Variants in PTPRN2 observed in about 807,000 individuals in gnomAD.
The protein encoded by PTPRN2 is receptor-type tyrosine-protein phosphatase N2.
In PTPRN2, 74 loss-of-function variants were observed where a neutral mutation model predicts 118.8. That is an observed-to-expected ratio of 0.62 (90% CI 0.52 to 0.76). PTPRN2 has a LOEUF of 0.76. Ranked by LOEUF, PTPRN2 falls within the 30% of genes least tolerant of loss-of-function variation. The pLI, the probability that PTPRN2 is intolerant of heterozygous loss-of-function variation, is 0.00. For synonymous variants in PTPRN2, 641 were observed against 608.0 expected (o/e 1.05, Z -0.80); for missense variants, 1,481 against 1,394.4 (o/e 1.06, Z -0.99).
chr7:157,586,204 T>A (rs1800662793), intron 17 of PTPRN2, among the ~76,000 whole-genome samples: 1 of 152,242 alleles, frequency 6.6e-6, no homozygotes, highest in Non-Finnish European at 1.5e-5. Flanking sequence ...ACTCTCATGT[T>A]AATTCCTAAG....
chr7:158,159,368 G>A (rs1822154570), intron 6 of PTPRN2, among the ~76,000 whole-genome samples: 2 of 152,260 alleles, frequency 1.3e-5, no homozygotes, highest in African/African-American at 4.8e-5. Context: ...GAGGCTGGCT[G>A]GGTGGAGACC....
chr7:158,155,156 T>TA (rs1821587213), intron 6 of PTPRN2, among the ~76,000 whole-genome samples: 1 of 152,216 alleles, frequency 6.6e-6, no homozygotes, highest in African/African-American at 2.4e-5. Context: ...ATTAAATGTG[T>TA]AAAGCCTGGA....
chr7:157,771,027 A>G (rs1198497164), intron 12 of PTPRN2, among the ~76,000 whole-genome samples: 1 of 152,246 alleles, frequency 6.6e-6, no homozygotes, highest in Non-Finnish European at 1.5e-5. Context: ...GACTCGAGAG[A>G]CTGGCAGCTC....
chr7:158,171,000 T>C (rs1050866835), intron 5 of PTPRN2, among the ~76,000 whole-genome samples: 15 of 148,342 alleles, frequency 1.0e-4, no homozygotes, highest in Non-Finnish European at 1.6e-4. Flanking sequence ...TACACATACA[T>C]ATATATATAC....
intron 2 of PTPRN2, among the ~76,000 whole-genome samples, chr7:158,469,735 CAAAAA>C (rs56040599): frequency 6.8e-4 from 46 of 67,518 alleles, no homozygotes; most frequent in African/African-American, 2.0e-3. Flanking sequence ...AAAACCTGGC[CAAAAA>C]AAAAAAAAAA....
At chr7:158,406,359 CACT>C (rs1813432985) in intron 2 of PTPRN2, among the ~76,000 whole-genome samples, 4 of 130,040 alleles carry the variant, frequency 3.1e-5, no homozygotes. Context: ...TTTGGCTGCA[CACT>C]GAGATCCCGC....
intron 11 of PTPRN2, among the ~76,000 whole-genome samples, chr7:157,925,920 A>C (rs1798958872): frequency 6.6e-6 from 1 of 152,174 alleles, no homozygotes; most frequent in Non-Finnish European, 1.5e-5. Context: ...TGTCGTTCTA[A>C]AACCCTTCTC....
At chr7:158,217,899 A>G (rs555346225) in intron 3 of PTPRN2, among the ~76,000 whole-genome samples, 1 of 152,342 alleles carries the variant, frequency 6.6e-6, no homozygotes, top group African/African-American at 2.4e-5. Flanking sequence ...TAAAGAAAAA[A>G]GAGTGTTAAA....
Position 158,555,750 on chromosome 7 carries a change from C to T in PTPRN2, c.112+31808G>A, listed in dbSNP as rs376581886. On this transcript the variant is annotated intron_variant, in intron 1 of 22. Coordinates refer to ENST00000389418, the MANE Select transcript of PTPRN2 (RefSeq NM_002847.5). The surrounding 1 kb of genome is among the most constrained non-coding windows in gnomAD (Gnocchi z 4.7). ...ACAGGTGGCCGGTGTTGCTTCCCAG[C>T]GGGTTCCACCCACTGCCTAGCAGGC... Among the ~76,000 whole-genome samples, 26 of 152,214 alleles carry T rather than the reference C, an allele frequency of 1.7e-4. No homozygotes were observed. The South Asian group carries it at 4.8e-3, about 28-fold the overall frequency.
chr7:157,612,237 G>C (rs1029816186), intron 15 of PTPRN2, among the ~76,000 whole-genome samples: 2 of 152,238 alleles, frequency 1.3e-5, no homozygotes, highest in African/African-American at 4.8e-5. Flanking sequence ...AGGCGTGGCT[G>C]TGTGCGCTGG....
intron 6 of PTPRN2, among the ~76,000 whole-genome samples, chr7:158,143,934 TC>T (rs926799550): frequency 2.0e-5 from 3 of 150,982 alleles, no homozygotes. Context: ...GTGGCCACCG[TC>T]CCCCCCGCAG....
In PTPRN2 at chr7:158,529,113, C is replaced by T. The variant is rs1291908985; in HGVS notation, c.113-39328G>A. ...CAAATGCCTCAATCCCCTTCTCAGA[C>T]AGGCAGACAGACAATAATAACAATG... On this transcript the variant is annotated intron_variant, in intron 1 of 22. Coordinates refer to ENST00000389418, the MANE Select transcript of PTPRN2 (RefSeq NM_002847.5). The surrounding 1 kb of genome is among the most constrained non-coding windows in gnomAD (Gnocchi z 4.7). 6.6e-6 allele frequency among the ~76,000 whole-genome samples: 1 copy of T among 152,180 alleles called. No individual in the cohort carries two copies. The highest frequency in any genetic ancestry group is 2.4e-5 in the African/African-American group (1 of 41,448).
chr7:157,981,488 C>T (rs982883849), intron 11 of PTPRN2, among the ~76,000 whole-genome samples: 1 of 152,200 alleles, frequency 6.6e-6, no homozygotes, highest in Non-Finnish European at 1.5e-5. Flanking sequence ...AATTTGACTC[C>T]AGTCATTGAT....
intron 9 of PTPRN2, among the ~76,000 whole-genome samples, chr7:158,127,413 G>A (rs1041103892): frequency 5.3e-5 from 8 of 151,986 alleles, no homozygotes; most frequent in Non-Finnish European, 1.0e-4. Context: ...CACACACTGC[G>A]GCTGCCACTC....
chr7:157,848,869 A>G (rs1002027640), intron 12 of PTPRN2, among the ~76,000 whole-genome samples: 4 of 152,240 alleles, frequency 2.6e-5, no homozygotes. Context: ...GACCCAGGGA[A>G]GCCCCGTGTG....
intron 11 of PTPRN2, among the ~76,000 whole-genome samples, chr7:157,899,687 C>T (rs923557944): frequency 2.6e-5 from 4 of 152,134 alleles, no homozygotes; most frequent in Admixed American, 6.5e-5. Context: ...GAGAGGGACG[C>T]GATGAGATCT....
intron 21 of PTPRN2, among the ~76,000 whole-genome samples, chr7:157,554,428 T>C (rs761234680): frequency 1.4e-5 from 2 of 146,194 alleles, no homozygotes; most frequent in Non-Finnish European, 3.0e-5. Flanking sequence ...GGGCACAACG[T>C]TGGCATTGAT....
At chr7:158,373,849 A>T (rs1810289367) in intron 2 of PTPRN2, among the ~76,000 whole-genome samples, 3 of 152,206 alleles carry the variant, frequency 2.0e-5, no homozygotes, top group East Asian at 3.9e-4. Context: ...CCCTCTCTGG[A>T]TGGGAGTGTG....
At chr7:158,494,102 C>G (rs1044871805) in intron 1 of PTPRN2, among the ~76,000 whole-genome samples, 3 of 152,232 alleles carry the variant, frequency 2.0e-5, no homozygotes, top group Non-Finnish European at 4.4e-5. Flanking sequence ...ACCCCAATCA[C>G]TCCTAAGAGA....
Sources: gnomAD v4.1 joint callset for allele counts (sites outside exome capture counted in the v4.1 genomes callset) on GRCh38, gnomAD v4.1.1 for gene constraint, Gnocchi (gnomAD v3.1) non-coding constraint, MANE v1.5 for transcripts, NCBI Gene and HGNC (gene_info 2026-07-23, HGNC 2026-07-21) for gene names.